The following VPS13B variants were observed in gnomAD, a reference collection of about 807,000 sequenced individuals.
The protein encoded by VPS13B is intermembrane lipid transfer protein VPS13B.
Under a neutral mutation model 426.4 loss-of-function variants are expected in VPS13B, and 285 were observed. The observed-to-expected ratio is 0.67, with a 90% CI of 0.61 to 0.74. VPS13B has a LOEUF of 0.74. Among genes scored for constraint, VPS13B ranks in the 30% least tolerant of loss-of-function variants. The probability of loss-of-function intolerance (pLI) is 0.00; values close to 1 mark genes in which losing one functional copy is unlikely to be tolerated. For synonymous variants in VPS13B, 1,676 were observed against 1,676.4 expected (o/e 1.00, Z 0.01); for missense variants, 4,537 against 4,782.6 (o/e 0.95, Z 1.51).
intron 8 of VPS13B, among the ~76,000 whole-genome samples, chr8:99,126,463 G>A (rs536148381): frequency 6.6e-6 from 1 of 152,164 alleles, no homozygotes; most frequent in Non-Finnish European, 1.5e-5. Context: ...GCTTTAGTTA[G>A]GGTGATGGTG....
At chr8:99,244,100 G>T (rs1029547464) in intron 17 of VPS13B, among the ~76,000 whole-genome samples, 1 of 152,154 alleles carries the variant, frequency 6.6e-6, no homozygotes, top group Admixed American at 6.5e-5. Context: ...TTTCCTTTCT[G>T]CCATTAGGTG....
intron 2 of VPS13B, among the ~76,000 whole-genome samples, chr8:99,037,472 G>A (rs1219168635): frequency 6.6e-6 from 1 of 152,098 alleles, no homozygotes; most frequent in African/African-American, 2.4e-5. Flanking sequence ...TAAACTGTCT[G>A]CTGGCTGCAG....
chr8:99,865,353 A>G (rs1817045623), intron 58 of VPS13B, among the ~76,000 whole-genome samples: 1 of 152,186 alleles, frequency 6.6e-6, no homozygotes, highest in Non-Finnish European at 1.5e-5. Flanking sequence ...GGATGTCAAG[A>G]ATTGCTTCTC....
Position 99,232,464 on chromosome 8 carries a change from A to G in VPS13B, c.2515+39407A>G, listed in dbSNP as rs117004925. 4.1e-4 allele frequency among the ~76,000 whole-genome samples: 63 copies of G among 152,090 alleles called. 1 individual carries two copies. The East Asian group carries it at 0.012, about 28-fold the overall frequency. On this transcript the variant is annotated intron_variant, in intron 17 of 61. Coordinates refer to ENST00000357162, the MANE Select transcript of VPS13B (RefSeq NM_152564.5). ...CTCGAAGCTCCTCTCTACACCGTGA[A>G]CCTCCCAAAGAAAGACTTTAAAGTC... is the stretch of plus-strand genomic sequence containing the variant.
At chr8:99,222,442 G>A (rs1185267856) in intron 17 of VPS13B, among the ~76,000 whole-genome samples, 1 of 152,158 alleles carries the variant, frequency 6.6e-6, no homozygotes, top group Non-Finnish European at 1.5e-5. Context: ...TAATCACAGT[G>A]CCTAGCTTGG....
chr8:99,302,045 C>T (rs1448708227), intron 19 of VPS13B, among the ~76,000 whole-genome samples: 1 of 152,142 alleles, frequency 6.6e-6, no homozygotes, highest in Non-Finnish European at 1.5e-5. Context: ...CTCTGGAGCT[C>T]CTTATTTCAA....
At chr8:99,072,459 A>G (rs1844899763) in intron 3 of VPS13B, among the ~76,000 whole-genome samples, 1 of 152,054 alleles carries the variant, frequency 6.6e-6, no homozygotes, top group Non-Finnish European at 1.5e-5. Flanking sequence ...GTTGCATGAC[A>G]AAGAGCTCTT....
In VPS13B at chr8:99,859,471, A is replaced by T; in HGVS notation, c.11035A>T (p.Ile3679Phe). The change falls in exon 57 of 62, where the codon ATC becomes TTC. Residue 3679 changes from isoleucine to phenylalanine, a missense_variant. Physicochemically the swap from Ile to Phe is conservative, Grantham distance 21. Coordinates refer to ENST00000357162, the MANE Select transcript of VPS13B (RefSeq NM_152564.5). The part of the protein sequence containing the change: ...SRGTTSFVKH[I>F]SKGTLTSITN... Reference sequence around the variant, plus strand: ...AGGGACCACATCGTTTGTAAAGCACATCTCCAAAGGTAGCGGGTTCCGTTC... The same window carrying T: ...AGGGACCACATCGTTTGTAAAGCACTTCTCCAAAGGTAGCGGGTTCCGTTC... The T allele has an allele frequency of 1.2e-6, 2 of 1,612,616 alleles. No homozygotes were observed. The highest frequency in any genetic ancestry group is 1.7e-6 in the Non-Finnish European group (2 of 1,179,922).
chr8:99,304,398 A>G (rs1272368073), intron 19 of VPS13B, among the ~76,000 whole-genome samples: 1 of 151,992 alleles, frequency 6.6e-6, no homozygotes, highest in Admixed American at 6.6e-5. Flanking sequence ...TTTAAAAGAA[A>G]ATCATGTTTT....
chr8:99,362,718 G>C (rs1299336487), intron 19 of VPS13B, among the ~76,000 whole-genome samples: 1 of 152,200 alleles, frequency 6.6e-6, no homozygotes, highest in African/African-American at 2.4e-5. Flanking sequence ...TTCATCTGCT[G>C]ATGGCCATTT....
chr8:99,795,955 A>T (rs969910472), intron 43 of VPS13B, among the ~76,000 whole-genome samples: 2 of 152,164 alleles, frequency 1.3e-5, no homozygotes, highest in African/African-American at 4.8e-5. Context: ...ACATAAAGGC[A>T]CAGATAACAA....
chr8:99,033,045 T>C (rs889222266), intron 2 of VPS13B, among the ~76,000 whole-genome samples: 7 of 152,184 alleles, frequency 4.6e-5, no homozygotes, highest in African/African-American at 1.7e-4. Flanking sequence ...TCATTATTGT[T>C]TTATGCAATT....
intron 35 of VPS13B, among the ~76,000 whole-genome samples, chr8:99,662,562 T>A (rs1830278302): frequency 6.6e-6 from 1 of 152,148 alleles, no homozygotes. Flanking sequence ...TTCTCCTGCT[T>A]CAGCCTCCCA....
chr8:99,302,213 C>A (rs1820406812), intron 19 of VPS13B, among the ~76,000 whole-genome samples: 1 of 152,174 alleles, frequency 6.6e-6, no homozygotes, highest in South Asian at 2.1e-4. Flanking sequence ...AGCCAGATTA[C>A]CAGGGTTGGC....
At chr8:99,792,589 G>C (rs1812600238) in intron 43 of VPS13B, among the ~76,000 whole-genome samples, 1 of 152,158 alleles carries the variant, frequency 6.6e-6, no homozygotes, top group Admixed American at 6.5e-5. Flanking sequence ...TATGAAGAGG[G>C]TCCTGGGGCA....
At chr8:99,154,579 A>G (rs773687170) in intron 14 of VPS13B, among the ~76,000 whole-genome samples, 8 of 152,186 alleles carry the variant, frequency 5.3e-5, no homozygotes, top group Non-Finnish European at 1.0e-4. Flanking sequence ...GTGTAATGCA[A>G]GACTTCAGGA....
chr8:99,155,587 C>T (rs1427602802), intron 14 of VPS13B, among the ~76,000 whole-genome samples: 3 of 152,034 alleles, frequency 2.0e-5, no homozygotes, highest in Non-Finnish European at 4.4e-5. Context: ...CAACATAATT[C>T]CTAAATAAAT....
intron 3 of VPS13B, among the ~76,000 whole-genome samples, chr8:99,058,924 T>C (rs931650537): frequency 3.3e-5 from 5 of 152,230 alleles, no homozygotes; most frequent in Non-Finnish European, 7.3e-5. Context: ...ACATTACTAG[T>C]AATTAGATCT....
chr8:99,648,440 T>C (rs762447877), intron 34 of VPS13B, among the ~76,000 whole-genome samples: 1 of 152,238 alleles, frequency 6.6e-6, no homozygotes, highest in African/African-American at 2.4e-5. Context: ...TTAAAGTTAT[T>C]GATTTTTTAT....
Sources: allele counts gnomAD v4.1 joint callset (sites outside exome capture counted in the v4.1 genomes callset), GRCh38; gene constraint gnomAD v4.1.1; transcripts MANE v1.5; gene names NCBI Gene and HGNC (gene_info 2026-07-23, HGNC 2026-07-21).